The following PRKG1 variants were observed in gnomAD, a reference collection of about 807,000 sequenced individuals.
PRKG1 encodes cGMP-dependent protein kinase 1.
Under a neutral mutation model 88.1 loss-of-function variants are expected in PRKG1, and 35 were observed. That is an observed-to-expected ratio of 0.40 (90% CI 0.30 to 0.53). The LOEUF is 0.53. PRKG1 is among the 20% of genes least tolerant of loss of function. The probability of loss-of-function intolerance (pLI) is 0.59; values close to 1 mark genes in which losing one functional copy is unlikely to be tolerated. For missense variants in PRKG1, 540 were observed against 839.8 expected, an observed-to-expected ratio of 0.64 and a Z score of 4.41; for synonymous variants, 303 against 292.5, an observed-to-expected ratio of 1.04 and a Z score of -0.37.
At chr10:51,600,389 T>C (rs1838567013) in intron 3 of PRKG1, among the ~76,000 whole-genome samples, 1 of 152,184 alleles carries the variant, frequency 6.6e-6, no homozygotes, top group Non-Finnish European at 1.5e-5. Flanking sequence ...GCCATAAAGC[T>C]GGAAGTTGGG....
At chr10:51,183,804 T>C (rs1837413400) in intron 2 of PRKG1, among the ~76,000 whole-genome samples, 1 of 152,242 alleles carries the variant, frequency 6.6e-6, no homozygotes, top group Admixed American at 6.5e-5. Flanking sequence ...ACTGTTCTGA[T>C]GCTGATTCTA....
intron 2 of PRKG1, among the ~76,000 whole-genome samples, chr10:51,272,492 A>G (rs1840007556): frequency 6.6e-6 from 1 of 150,864 alleles, no homozygotes. Context: ...GTATCCCAGA[A>G]CTTAAAGTTT....
At chr10:51,997,625 T>G (rs1221860033) in intron 5 of PRKG1, among the ~76,000 whole-genome samples, 1 of 152,152 alleles carries the variant, frequency 6.6e-6, no homozygotes, top group Non-Finnish European at 1.5e-5. Context: ...ATACATACAT[T>G]AGTTAGCTAG....
At chr10:52,243,288 TG>T (rs1484820743) in intron 9 of PRKG1, among the ~76,000 whole-genome samples, 2 of 152,224 alleles carry the variant, frequency 1.3e-5, no homozygotes, top group African/African-American at 4.8e-5. Flanking sequence ...CATTTGCCTT[TG>T]TTTTTCAAAT....
intron 1 of PRKG1, among the ~76,000 whole-genome samples, chr10:51,049,769 T>G (rs1419398888): frequency 1.3e-5 from 2 of 152,358 alleles, no homozygotes; most frequent in East Asian, 3.9e-4. Context: ...TTACTGATTC[T>G]AGTTGGTATG....
At chr10:51,697,868 C>T in intron 3 of PRKG1, 1 of 1,613,832 alleles carries the variant, frequency 6.2e-7, no homozygotes, top group Non-Finnish European at 8.5e-7. Context: ...AGGACTAAAA[C>T]TGCTAGGCTG....
intron 3 of PRKG1, among the ~76,000 whole-genome samples, chr10:51,646,421 C>T (rs935560578): frequency 6.6e-5 from 10 of 152,034 alleles, no homozygotes; most frequent in Middle Eastern, 3.2e-3. Flanking sequence ...TTTGTCCTTC[C>T]GCTTCGCATT....
In PRKG1 at chr10:51,654,301, T is replaced by A. The variant is rs779783273; in HGVS notation, c.593-150284T>A. Among the ~76,000 whole-genome samples the A allele has an allele frequency of 3.2e-4, 49 of 152,190 alleles. 2 individuals are homozygous for A. The highest frequency in any genetic ancestry group is 1.3e-4 in the Admixed American group (2 of 15,274). On this transcript the variant is annotated intron_variant, in intron 3 of 17. Transcript: ENST00000373980. Reference sequence around the variant, plus strand: ...AAAAGACTGTCCTTTTCTAGTTGTGTGTTCTTGGTACCTTTTCAAAGTTTA... The same window carrying A: ...AAAAGACTGTCCTTTTCTAGTTGTGAGTTCTTGGTACCTTTTCAAAGTTTA...
intron 2 of PRKG1, among the ~76,000 whole-genome samples, chr10:51,329,367 T>C (rs1304744367): frequency 2.0e-5 from 3 of 152,200 alleles, no homozygotes; most frequent in Non-Finnish European, 4.4e-5. Flanking sequence ...CATAAATCAG[T>C]TGGCTGTAAA....
At chr10:51,391,317 G>A (rs569223036) in intron 2 of PRKG1, among the ~76,000 whole-genome samples, 2 of 152,266 alleles carry the variant, frequency 1.3e-5, no homozygotes, top group South Asian at 4.1e-4. Flanking sequence ...TGTAACTTTG[G>A]ATTTAGGGTA....
chr10:51,838,251 A>G (rs906680580), intron 4 of PRKG1, among the ~76,000 whole-genome samples: 11 of 152,192 alleles, frequency 7.2e-5, no homozygotes, highest in Non-Finnish European at 1.6e-4. Flanking sequence ...AGTGATCTAA[A>G]GATTTTCTCT....
chr10:52,171,595 A>C (rs936496978), intron 9 of PRKG1, among the ~76,000 whole-genome samples: 4 of 152,138 alleles, frequency 2.6e-5, no homozygotes, highest in Admixed American at 6.5e-5. Context: ...ACTAGGCAGA[A>C]GTATACAATG....
chr10:51,361,904 T>C (rs1219667191), intron 2 of PRKG1, among the ~76,000 whole-genome samples: 2 of 151,900 alleles, frequency 1.3e-5, no homozygotes, highest in Non-Finnish European at 2.9e-5. Context: ...TCAAATTTTC[T>C]TGTAAGCTAG....
intron 3 of PRKG1, among the ~76,000 whole-genome samples, chr10:51,759,591 A>T (rs966241527): frequency 6.6e-6 from 1 of 152,210 alleles, no homozygotes; most frequent in Non-Finnish European, 1.5e-5. Context: ...TACAATTAAA[A>T]TGAAACAAAT....
At chr10:51,839,151 T>C (rs925993445) in intron 4 of PRKG1, among the ~76,000 whole-genome samples, 4 of 142,460 alleles carry the variant, frequency 2.8e-5, no homozygotes, top group African/African-American at 9.9e-5. Flanking sequence ...TTTATTATTA[T>C]TTTTTTAACA....
intron 2 of PRKG1, among the ~76,000 whole-genome samples, chr10:51,166,271 T>C (rs1846537839): frequency 6.6e-6 from 1 of 152,178 alleles, no homozygotes; most frequent in African/African-American, 2.4e-5. Context: ...TGAAGATTTT[T>C]ATTGACTCAT....
chr10:52,092,970 T>C (rs570446728), intron 7 of PRKG1, among the ~76,000 whole-genome samples: 3 of 152,272 alleles, frequency 2.0e-5, no homozygotes, highest in Admixed American at 1.3e-4. Flanking sequence ...AAATGTGGAC[T>C]GTAGAATCCT....
chr10:52,005,375 T>C (rs1589508304), intron 5 of PRKG1, among the ~76,000 whole-genome samples: 2 of 151,454 alleles, frequency 1.3e-5, no homozygotes, highest in South Asian at 4.2e-4. Flanking sequence ...ATTACAGTCA[T>C]GAACCACCCA....
At chr10:52,170,540 C>T (rs1266446663) in intron 9 of PRKG1, among the ~76,000 whole-genome samples, 2 of 152,090 alleles carry the variant, frequency 1.3e-5, no homozygotes, top group African/African-American at 4.8e-5. Flanking sequence ...AAAAGAAGTA[C>T]CACAATCACC....
Sources: gnomAD v4.1 joint callset for allele counts (sites outside exome capture counted in the v4.1 genomes callset) on GRCh38, gnomAD v4.1.1 for gene constraint, MANE v1.5 for transcripts, NCBI Gene and HGNC (gene_info 2026-07-23, HGNC 2026-07-21) for gene names.